Variants in PIK3R6 observed in about 807,000 individuals in gnomAD.
PIK3R6 encodes phosphoinositide 3-kinase regulatory subunit 6.
In PIK3R6, 91 loss-of-function variants were observed where a neutral mutation model predicts 84.9. That is an observed-to-expected ratio of 1.07 (90% CI 0.90 to 1.28). The LOEUF is 1.28. Among genes scored for constraint, PIK3R6 ranks in the 50% most tolerant of loss-of-function variants. The probability of loss-of-function intolerance (pLI) is 0.00; values close to 1 mark genes in which losing one functional copy is unlikely to be tolerated. For missense variants in PIK3R6, 996 were observed against 985.1 expected, an observed-to-expected ratio of 1.01 and a Z score of -0.15; for synonymous variants, 416 against 411.4, an observed-to-expected ratio of 1.01 and a Z score of -0.13.
chr17:8,856,588 T>C (rs1303227484), intron 1 of PIK3R6, among the ~76,000 whole-genome samples: 1 of 151,944 alleles, frequency 6.6e-6, no homozygotes, highest in African/African-American at 2.4e-5. Context: ...GGTGAAAGAG[T>C]GAAACTCCAT....
At position 8,813,724 on chromosome 17, in the gene PIK3R6, C is replaced by T. The variant is rs193259687; in HGVS notation, c.1995+5359G>A. Among the ~76,000 whole-genome samples the T allele has an allele frequency of 4.5e-3, 680 of 152,194 alleles. 5 individuals are homozygous for T. Among genetic ancestry groups the T allele is most frequent in the African/African-American group, 0.016 (652 of 41,516 alleles). ...ATCCAGCATCTCTTCATGATAAAAGCCCTTACCAAAGTAGCAATAGAAGGA... is the reference window on the plus strand; with the variant it reads ...ATCCAGCATCTCTTCATGATAAAAGTCCTTACCAAAGTAGCAATAGAAGGA... On this transcript the variant is annotated intron_variant, in intron 18 of 19. Transcript: ENST00000619866.
intron 4 of PIK3R6, chr17:8,838,338 G>A (rs1203128813): frequency 6.1e-6 from 3 of 492,818 alleles, no homozygotes; most frequent in East Asian, 3.6e-5. Context: ...ATTTGTGGTC[G>A]CGTTATAGTG....
chr17:8,834,635 C>T (rs2088390472), intron 8 of PIK3R6, among the ~76,000 whole-genome samples: 1 of 151,774 alleles, frequency 6.6e-6, no homozygotes, highest in Admixed American at 6.6e-5. Context: ...TTAAGCAATC[C>T]TCCTGCCTCG....
At chr17:8,818,255 G>A (rs1374637905) in intron 18 of PIK3R6, among the ~76,000 whole-genome samples, 1 of 152,202 alleles carries the variant, frequency 6.6e-6, no homozygotes, top group East Asian at 1.9e-4. Flanking sequence ...TGAGAACATG[G>A]TTCAGGCGCA....
intron 12 of PIK3R6, 139 bp downstream of exon 12, chr17:8,827,973 C>T: frequency 1.2e-6 from 1 of 852,172 alleles, no homozygotes; most frequent in Non-Finnish European, 1.8e-6. Context: ...AGACCGCTGA[C>T]CTCTCTCCCG....
intron 13 of PIK3R6, among the ~76,000 whole-genome samples, chr17:8,825,378 A>G (rs2087883355): frequency 6.6e-6 from 1 of 152,244 alleles, no homozygotes; most frequent in Non-Finnish European, 1.5e-5. Flanking sequence ...TTTGAAAAAG[A>G]AGAATAATAG....
Position 8,849,788 on chromosome 17 carries a change from T to A in PIK3R6, c.7A>T (p.Ser3Cys). 1 of 1,611,982 alleles carries A rather than the reference T, an allele frequency of 6.2e-7. No individual in the cohort carries two copies. Among genetic ancestry groups the A allele is most frequent in the Non-Finnish European group, 8.5e-7 (1 of 1,178,922 alleles). Residue 3 changes from serine to cysteine, a missense_variant, in exon 2 of 20, where the codon AGC (serine) becomes TGC (cysteine). Coordinates refer to ENST00000619866, the MANE Select transcript of PIK3R6 (RefSeq NM_001010855.4). ME[S>C]SDVELDLQRS... Reference sequence around the variant, plus strand: ...TTCCCCCCACCACACTGACCTGAGCTCTCCATGGGAGCCTTTGGGTGTAGG... The same window carrying A: ...TTCCCCCCACCACACTGACCTGAGCACTCCATGGGAGCCTTTGGGTGTAGG...
At chr17:8,820,667 C>T (rs969840967) in intron 17 of PIK3R6, among the ~76,000 whole-genome samples, 1 of 152,220 alleles carries the variant, frequency 6.6e-6, no homozygotes, top group African/African-American at 2.4e-5. Context: ...TTCAACTTGC[C>T]TGGAAGCAAT....
rs2089309764 is a variant in PIK3R6 at position 8,862,630 on chromosome 17, T to C, written c.-92+4899A>G. Among the ~76,000 whole-genome samples the C allele has an allele frequency of 6.6e-6, 1 of 152,172 alleles. No individual in the cohort carries two copies. Among genetic ancestry groups the C allele is most frequent in the South Asian group, 2.1e-4 (1 of 4,834 alleles). On this transcript the variant is annotated intron_variant, in intron 1 of 19. Transcript: ENST00000619866. This position sits in a 1 kb window ranked among gnomAD's most constrained non-coding sequence, Gnocchi z 4.3. Reference sequence around the variant, plus strand: ...GGCTGCAATGTTTGACTGCTGCTTTTGTGCCACAAGGGCAATGTGCAAGGT... The same window carrying C: ...GGCTGCAATGTTTGACTGCTGCTTTCGTGCCACAAGGGCAATGTGCAAGGT...
intron 1 of PIK3R6, among the ~76,000 whole-genome samples, chr17:8,861,362 G>C (rs1161807816): frequency 6.6e-6 from 1 of 152,122 alleles, no homozygotes; most frequent in South Asian, 2.1e-4. Context: ...GTGCATCTCT[G>C]TACTTCTCCC....
chr17:8,812,990 C>A (rs537810052), intron 18 of PIK3R6, among the ~76,000 whole-genome samples: 2 of 151,962 alleles, frequency 1.3e-5, no homozygotes, highest in Non-Finnish European at 2.9e-5. Flanking sequence ...AATTGATAGA[C>A]CACTAGCTAA....
intron 1 of PIK3R6, among the ~76,000 whole-genome samples, chr17:8,860,548 T>C (rs1420783780): frequency 1.4e-5 from 2 of 146,190 alleles, no homozygotes; most frequent in Non-Finnish European, 3.0e-5. Context: ...GTCAAAAAGG[T>C]TGGGGACCAC....
At chr17:8,852,842 T>A (rs2089009961) in intron 1 of PIK3R6, among the ~76,000 whole-genome samples, 1 of 152,026 alleles carries the variant, frequency 6.6e-6, no homozygotes, top group African/African-American at 2.4e-5. Flanking sequence ...TCATACATAG[T>A]TGGTGAGAAG....
At chr17:8,824,977 A>AT (rs1488792898) in intron 13 of PIK3R6, among the ~76,000 whole-genome samples, 1 of 152,204 alleles carries the variant, frequency 6.6e-6, no homozygotes, top group Non-Finnish European at 1.5e-5. Context: ...TTAATGTTAT[A>AT]TTTTTTACCG....
chr17:8,818,588 G>A (rs2087618328), intron 18 of PIK3R6, among the ~76,000 whole-genome samples: 1 of 152,160 alleles, frequency 6.6e-6, no homozygotes, highest in Non-Finnish European at 1.5e-5. Flanking sequence ...GGCGGGGGTT[G>A]CAGTGAACTA....
chr17:8,808,558 C>T (rs1468149213), intron 18 of PIK3R6, among the ~76,000 whole-genome samples: 1 of 152,200 alleles, frequency 6.6e-6, no homozygotes, highest in African/African-American at 2.4e-5. Context: ...GAGCTCTTAA[C>T]TATTAGAAAG....
intron 3 of PIK3R6, among the ~76,000 whole-genome samples, 190 bp from the exon 4 acceptor site, chr17:8,838,845 A>T (rs2088575205): frequency 6.6e-6 from 1 of 152,164 alleles, no homozygotes; most frequent in South Asian, 2.1e-4. Flanking sequence ...TCTAGTCTGT[A>T]GCCCTTTGTG....
chr17:8,819,043 C>A, intron 18 of PIK3R6, 40 bp downstream of exon 18: 1 of 1,454,358 alleles, frequency 6.9e-7, no homozygotes, highest in East Asian at 2.4e-5. Flanking sequence ...ACTGCTGTCC[C>A]AGCTGGCTGT....
At chr17:8,829,850 C>T in intron 9 of PIK3R6, 58 bp from the exon 10 acceptor site, 1 of 1,358,320 alleles carries the variant, frequency 7.4e-7, no homozygotes, top group Non-Finnish European at 1.0e-6. Flanking sequence ...CCTCCTCTGC[C>T]CTCCCCATCC....
Sources: gnomAD v4.1 joint callset for allele counts (sites outside exome capture counted in the v4.1 genomes callset) on GRCh38, gnomAD v4.1.1 for gene constraint, Gnocchi (gnomAD v3.1) non-coding constraint, MANE v1.5 for transcripts, NCBI Gene and HGNC (gene_info 2026-07-23, HGNC 2026-07-21) for gene names.